Variants in SNX19 observed in about 807,000 individuals in gnomAD.
SNX19 encodes the protein sorting nexin 19, also known as sorting nexin-19.
SNX19 carries 60 observed loss-of-function variants against 85.2 expected under a neutral mutation model. The observed-to-expected ratio is 0.70, with a 90% CI of 0.57 to 0.87. SNX19 has a LOEUF of 0.87. SNX19 is among the 40% of genes least tolerant of loss of function. SNX19 has a pLI of 0.00. For missense variants in SNX19, 1,201 were observed against 1,217.8 expected (o/e 0.99, Z 0.21); for synonymous variants, 520 against 470.0 (o/e 1.11, Z -1.38).
chr11:130,891,846 C>CTTT (rs10649582), intron 8 of SNX19, among the ~76,000 whole-genome samples: 8,637 of 140,350 alleles, frequency 0.062, 370 homozygotes, highest in South Asian at 0.14. Context: ...AAAGTTTTTT[C>CTTT]TTTTTTTTTT....
rs1394787682 is a variant in SNX19 at position 130,906,094 on chromosome 11, T to C, written c.2302A>G (p.Ile768Val). 1 of 1,614,136 alleles carries C rather than the reference T, an allele frequency of 6.2e-7. No homozygotes were observed. Among genetic ancestry groups the C allele is most frequent in the South Asian group, 1.1e-5 (1 of 91,072 alleles). ...TLSMSAMESF[I>V]EKQTKLLEMQ... is the part of the protein sequence containing the mutation. ...TCCAGTAACTTTGTCTGTTTTTCAA[T>C]AAAAGATTCCATCGCAGACATGGAT... The change falls in exon 7 of 11, where the codon ATT (isoleucine) becomes GTT (valine). Residue 768 changes from isoleucine (I) to valine (V), a missense_variant. By Grantham distance (29) the Ile-to-Val change is conservative. Around this residue, in one of 3 missense-constraint regions of SNX19, gnomAD observed 285 missense variants for 295.3 expected, o/e 0.97. Coordinates refer to ENST00000265909, the MANE Select transcript of SNX19 (RefSeq NM_014758.3).
In SNX19 at chr11:130,916,209, G is replaced by A; in HGVS notation, c.-270C>T. The A allele has an allele frequency of 2.2e-6, 1 of 461,994 alleles. No homozygotes were observed. Among genetic ancestry groups the A allele is most frequent in the Non-Finnish European group, 3.9e-6 (1 of 256,760 alleles). The allele number at this position is 461,994 out of a possible 1,614,324, so 28.6% of individuals were successfully genotyped here. ...AGGAAAACTCTGTGGCCTTCACACTGCCCCAGGCGGAAGGCCTCTTCGGGG... is the reference window on the plus strand; with the variant it reads ...AGGAAAACTCTGTGGCCTTCACACTACCCCAGGCGGAAGGCCTCTTCGGGG... On this transcript the variant is annotated 5_prime_UTR_variant, in exon 1 of 11. Coordinates refer to ENST00000265909, the MANE Select transcript of SNX19 (RefSeq NM_014758.3).
At chr11:130,890,788 CAT>C (rs1944439023) in intron 8 of SNX19, among the ~76,000 whole-genome samples, 1 of 152,036 alleles carries the variant, frequency 6.6e-6, no homozygotes, top group Non-Finnish European at 1.5e-5. Flanking sequence ...CTCTGAATCA[CAT>C]ATAGAGTTCT....
At chr11:130,894,346 C>T (rs1174178469) in intron 8 of SNX19, among the ~76,000 whole-genome samples, 1 of 152,186 alleles carries the variant, frequency 6.6e-6, no homozygotes, top group Non-Finnish European at 1.5e-5. Context: ...TGGTCATCCA[C>T]ACCACTCAGA....
At chr11:130,893,130 C>A (rs1315598867) in intron 8 of SNX19, 1 of 152,178 alleles carries the variant, frequency 6.6e-6, no homozygotes, top group East Asian at 1.9e-4. Context: ...TCTCCCTGTT[C>A]TGCTCTGCAC....
At chr11:130,914,019 T>C (rs982855340) in intron 1 of SNX19, among the ~76,000 whole-genome samples, 18 of 152,206 alleles carry the variant, frequency 1.2e-4, no homozygotes, top group African/African-American at 4.3e-4. Context: ...GCAGCCAAGT[T>C]TGGGAACCAC....
chr11:130,915,625 G>A lies in SNX19; in HGVS notation c.315C>T (p.Thr105=). The A allele has an allele frequency of 1.2e-6, 2 of 1,614,248 alleles. No homozygotes were observed. The highest frequency in any genetic ancestry group is 1.7e-6 in the Non-Finnish European group (2 of 1,180,038). Residue 105 remains threonine, a synonymous_variant, in exon 1 of 11, where the codon ACC becomes ACT. Coordinates refer to ENST00000265909, the MANE Select transcript of SNX19 (RefSeq NM_014758.3). The stretch of plus-strand genomic sequence containing the variant: ...CAAAATCTCGAATAATCATCTGGAT[G>A]GTGCGGTTGATCTCCCGTTCCAGCT... ...ERQLEREINR[T]IQMIIRDFVL...
At chr11:130,894,781 T>C (rs1944755340) in intron 8 of SNX19, 1 of 985,360 alleles carries the variant, frequency 1.0e-6, no homozygotes, top group Non-Finnish European at 1.2e-6. Flanking sequence ...AAAAATGTCT[T>C]AGTGTCTAGA....
At chr11:130,881,634 C>T (rs913483291) in intron 8 of SNX19, among the ~76,000 whole-genome samples, 5 of 152,224 alleles carry the variant, frequency 3.3e-5, no homozygotes, top group African/African-American at 1.2e-4. Flanking sequence ...GGATTTCCTA[C>T]ATCTGCCCTT....
intron 8 of SNX19, among the ~76,000 whole-genome samples, chr11:130,900,464 T>C (rs527630235): frequency 2.6e-5 from 4 of 152,330 alleles, no homozygotes; most frequent in Admixed American, 2.6e-4. Context: ...TTTTCTGCCT[T>C]AGATCTCCCA....
At chr11:130,903,626 A>G (rs1365994825) in intron 7 of SNX19, among the ~76,000 whole-genome samples, 1 of 151,630 alleles carries the variant, frequency 6.6e-6, no homozygotes, top group East Asian at 1.9e-4. Flanking sequence ...AAATGTTTCT[A>G]TGTTTTTAAA....
At chr11:130,894,989 G>A (rs1944149) in intron 8 of SNX19, 3 of 985,168 alleles carry the variant, frequency 3.0e-6, no homozygotes, top group Non-Finnish European at 3.6e-6. Context: ...AAGTCACATA[G>A]CCTCAAAGCA....
In SNX19 at chr11:130,872,699, G is replaced by T. The variant is rs567423543; in HGVS notation, c.*5723C>A. Among the ~76,000 whole-genome samples the T allele has an allele frequency of 6.6e-6, 1 of 152,304 alleles. No individual in the cohort carries two copies. The highest frequency in any genetic ancestry group is 1.9e-4 in the East Asian group (1 of 5,166). On this transcript the variant is annotated 3_prime_UTR_variant, in exon 11 of 11. Transcript: ENST00000265909. ...CCTGTGATTTCTGGCACTCCCAGTG[G>T]AAAGGAAGCAGAGGGGCCAAGTTAT... is the stretch of plus-strand genomic sequence containing the variant.
intron 5 of SNX19, among the ~76,000 whole-genome samples, chr11:130,907,380 T>C (rs1945753221): frequency 6.6e-6 from 1 of 152,094 alleles, no homozygotes. Flanking sequence ...GACCCAGATA[T>C]AGATGAAATT....
chr11:130,898,622 G>C (rs945788216), intron 8 of SNX19, among the ~76,000 whole-genome samples: 1 of 152,184 alleles, frequency 6.6e-6, no homozygotes, highest in Non-Finnish European at 1.5e-5. Context: ...GGAGATGCAG[G>C]GGGTACAGTG....
chr11:130,895,285 G>C (rs540683686), intron 8 of SNX19: 3 of 978,426 alleles, frequency 3.1e-6, no homozygotes, highest in East Asian at 1.1e-4. Context: ...TATGCCCTGT[G>C]TGGAGGGAAT....
intron 8 of SNX19, among the ~76,000 whole-genome samples, chr11:130,901,522 G>A (rs1231048351): frequency 6.6e-6 from 1 of 152,130 alleles, no homozygotes; most frequent in Non-Finnish European, 1.5e-5. Flanking sequence ...AAGACCATTC[G>A]AAGGCAGATA....
intron 7 of SNX19, among the ~76,000 whole-genome samples, chr11:130,903,911 A>T (rs868126842): frequency 6.6e-6 from 1 of 152,090 alleles, no homozygotes; most frequent in South Asian, 2.1e-4. Flanking sequence ...AGCATTATGG[A>T]AACACCGTGG....
intron 1 of SNX19, among the ~76,000 whole-genome samples, chr11:130,914,022 G>A (rs1592382073): frequency 6.6e-6 from 1 of 152,294 alleles, no homozygotes; most frequent in Middle Eastern, 3.4e-3. Flanking sequence ...GCCAAGTTTG[G>A]GAACCACTGA....
Sources: gnomAD v4.1 joint callset for allele counts (sites outside exome capture counted in the v4.1 genomes callset) on GRCh38, gnomAD v4.1.1 for gene constraint, gnomAD v4.1.1 regional missense constraint, MANE v1.5 for transcripts, NCBI Gene and HGNC (gene_info 2026-07-23, HGNC 2026-07-21) for gene names.